PSMC1: variants seen among roughly 807,000 people sequenced by gnomAD.
PSMC1 encodes 26S proteasome regulatory subunit 4.
A neutral mutation model predicts 49.8 loss-of-function variants in PSMC1; 5 were observed. The observed-to-expected ratio is 0.10, with a 90% CI of 0.05 to 0.21. The LOEUF is 0.21. Ranked by LOEUF, PSMC1 falls within the 10% of genes least tolerant of loss-of-function variation. The pLI, the probability that PSMC1 is intolerant of heterozygous loss-of-function variation, is 1.00. For synonymous variants in PSMC1, 155 were observed against 192.1 expected (o/e 0.81, Z 1.60); for missense variants, 181 against 535.7 (o/e 0.34, Z 6.54).
intron 1 of PSMC1, among the ~76,000 whole-genome samples, chr14:90,258,317 A>G (rs7150093): frequency 0.55 from 83,866 of 152,062 alleles, 23,800 homozygotes; most frequent in Middle Eastern, 0.72. Flanking sequence ...TCAGTAATTG[A>G]TGTACTTGTT....
At chr14:90,256,711 C>T (rs1566670050) in intron 1 of PSMC1, 111 bp downstream of exon 1, 11 of 1,500,662 alleles carry the variant, frequency 7.3e-6, no homozygotes. Context: ...GCCCTCTTCT[C>T]CTTTTGCCGG....
chr14:90,268,708 G>A (rs1000110869), intron 8 of PSMC1: 27 of 291,582 alleles, frequency 9.3e-5, no homozygotes, highest in Non-Finnish European at 1.3e-4. Flanking sequence ...TGCCCTGGAG[G>A]AGCTCACAGG....
intron 8 of PSMC1, chr14:90,268,980 C>T (rs973321596): frequency 5.6e-5 from 9 of 161,958 alleles, no homozygotes; most frequent in Admixed American, 5.5e-4. Context: ...CGAGATGGCA[C>T]CTATTCTGCA....
At chr14:90,262,676 C>T (rs7158018) in intron 3 of PSMC1, among the ~76,000 whole-genome samples, 83,181 of 151,166 alleles carry the variant, frequency 0.55, 23,487 homozygotes, top group Middle Eastern at 0.72. Context: ...TCCAACTATT[C>T]GGGAGGCTGA....
chr14:90,262,037 G>C (rs35401822), intron 3 of PSMC1, among the ~76,000 whole-genome samples: 1 of 150,942 alleles, frequency 6.6e-6, no homozygotes, highest in Non-Finnish European at 1.5e-5. Flanking sequence ...TTCTGAGCAA[G>C]CTATTGTAAG....
Position 90,256,573 on chromosome 14 carries a change from C to T in PSMC1, c.-25C>T, listed in dbSNP as rs1395358097. The T allele has an allele frequency of 6.3e-7, 1 of 1,584,266 alleles. No individual in the cohort carries two copies. The highest frequency in any genetic ancestry group is 8.6e-7 in the Non-Finnish European group (1 of 1,165,122). On this transcript the variant is annotated 5_prime_UTR_variant, in exon 1 of 11. Coordinates refer to ENST00000261303, the MANE Select transcript of PSMC1 (RefSeq NM_002802.3). Reference sequence around the variant, plus strand: ...GCAGTGGTGGAGGAACTTCCGGCAGCGGCAGCTCAAGTGGCCAAGGCAAGA... The same window carrying T: ...GCAGTGGTGGAGGAACTTCCGGCAGTGGCAGCTCAAGTGGCCAAGGCAAGA...
chr14:90,256,676 G>T, intron 1 of PSMC1, 76 bp downstream of exon 1: 1 of 1,553,010 alleles, frequency 6.4e-7, no homozygotes, highest in Non-Finnish European at 8.7e-7. Context: ...GAGAGAAAGA[G>T]GCGGCTGCCC....
chr14:90,269,620 G>GC, intron 9 of PSMC1, 72 bp downstream of exon 9: 1 of 1,514,464 alleles, frequency 6.6e-7, no homozygotes, highest in South Asian at 1.2e-5. Flanking sequence ...GCTTTGGGAG[G>GC]CCTATAAAAT....
At chr14:90,270,037 A>G in intron 9 of PSMC1, 161 bp from the exon 10 acceptor site, 1 of 701,698 alleles carries the variant, frequency 1.4e-6, no homozygotes, top group East Asian at 2.8e-5. Flanking sequence ...AAATCTACAA[A>G]CTACAAAAAT....
intron 9 of PSMC1, 106 bp from the exon 10 acceptor site, chr14:90,270,092 T>C: frequency 2.5e-6 from 3 of 1,201,228 alleles, no homozygotes; most frequent in Non-Finnish European, 3.5e-6. Flanking sequence ...CACAGAATTC[T>C]GTCCGACTGA....
chr14:90,259,149 T>G lies in PSMC1; in HGVS notation c.4-11T>G, dbSNP rs746139971. On this transcript the variant is annotated splice_polypyrimidine_tract_variant and intron_variant, in intron 1 of 10. Coordinates refer to ENST00000261303, the MANE Select transcript of PSMC1 (RefSeq NM_002802.3). ...CTGAATTTACATCTGTGCCTGATTT[T>G]TCTCCTCCAGGGTCAAAGTCAGAGT... The G allele has an allele frequency of 5.6e-6, 9 of 1,613,460 alleles. No individual in the cohort carries two copies. In the South Asian group the frequency reaches 9.9e-5, roughly 18 times the overall value.
At chr14:90,260,926 G>T (rs1004934282) in intron 3 of PSMC1, among the ~76,000 whole-genome samples, 2 of 152,306 alleles carry the variant, frequency 1.3e-5, no homozygotes, top group Admixed American at 1.3e-4. Context: ...AGTTTTAAAT[G>T]ACAAAACCCA....
At chr14:90,269,593 T>TATA (rs1891608052) in intron 9 of PSMC1, 45 bp downstream of exon 9, 4 of 1,588,616 alleles carry the variant, frequency 2.5e-6, no homozygotes, top group Non-Finnish European at 3.4e-6. Flanking sequence ...TGTGTTTATA[T>TATA]ATTTGTGTTT....
chr14:90,264,148 CA>C lies in PSMC1; in HGVS notation c.575del (p.Asn192ThrfsTer25). 6.2e-7 allele frequency: 1 copy of C among 1,611,746 alleles called. No homozygotes were observed. Among genetic ancestry groups the C allele is most frequent in the Non-Finnish European group, 8.5e-7 (1 of 1,179,512 alleles). ...ETYADIGGLDNQIQEIKESVE... is the reference protein window; with the variant it reads ...ETYADIGGLDXQIQEIKESVE... ...CCTATGCAGATATTGGGGGGTTGGA[CA>C]ACCAAATTCAGGAAATTAAGGTATG... On this transcript the variant is annotated frameshift_variant, in exon 6 of 11. Coordinates refer to ENST00000261303, the MANE Select transcript of PSMC1 (RefSeq NM_002802.3). LOFTEE classifies it high-confidence loss of function.
At chr14:90,258,751 T>C (rs143851954) in intron 1 of PSMC1, among the ~76,000 whole-genome samples, 2 of 152,326 alleles carry the variant, frequency 1.3e-5, no homozygotes, top group East Asian at 3.9e-4. Flanking sequence ...TAAAATGACG[T>C]AGCTTTCATA....
At chr14:90,257,750 GC>G (rs1005608741) in intron 1 of PSMC1, among the ~76,000 whole-genome samples, 52 of 152,078 alleles carry the variant, frequency 3.4e-4, no homozygotes, top group Admixed American at 1.1e-3. Flanking sequence ...CCGCCACTAC[GC>G]CCGGCTAATT....
At chr14:90,256,712 C>T (rs568748282) in intron 1 of PSMC1, 112 bp downstream of exon 1, 1,506 of 1,497,306 alleles carry the variant, frequency 1.0e-3, no homozygotes, top group Admixed American at 2.1e-3. Context: ...CCCTCTTCTC[C>T]TTTTGCCGGC....
intron 9 of PSMC1, chr14:90,269,963 C>G (rs1164792825): frequency 4.1e-6 from 2 of 493,182 alleles, no homozygotes; most frequent in African/African-American, 1.9e-5. Flanking sequence ...TTGCTCCTTT[C>G]ATTTATTTCT....
Position 90,269,532 on chromosome 14 carries a change from A to G in PSMC1, c.1017A>G (p.Pro339=), listed in dbSNP as rs1891606194. 1.2e-6 allele frequency: 2 copies of G among 1,613,900 alleles called. No individual in the cohort carries two copies. Among genetic ancestry groups the G allele is most frequent in the South Asian group, 1.1e-5 (1 of 90,974 alleles). The change falls in exon 9 of 11, where the codon CCA becomes CCG. Residue 339 remains proline, a synonymous_variant. Coordinates refer to ENST00000261303, the MANE Select transcript of PSMC1 (RefSeq NM_002802.3). ...MATNRIETLD[P]ALIRPGRIDR... ...CAAACCGAATAGAAACTTTGGATCC[A>G]GCACTTATCAGACCAGGTTAAATTT...
Sources: gnomAD v4.1 joint callset for allele counts (sites outside exome capture counted in the v4.1 genomes callset) on GRCh38, gnomAD v4.1.1 for gene constraint, MANE v1.5 for transcripts, NCBI Gene and HGNC (gene_info 2026-07-23, HGNC 2026-07-21) for gene names.